Variants in IFNGR2 observed in about 807,000 individuals in gnomAD.
IFNGR2 encodes the protein IFN-gamma receptor 2.
IFNGR2 carries 15 observed loss-of-function variants against 41.1 expected under a neutral mutation model. The observed-to-expected ratio is 0.37, with a 90% CI of 0.24 to 0.56. The LOEUF is 0.56. Among genes scored for constraint, IFNGR2 ranks in the 20% least tolerant of loss-of-function variants. The pLI, the probability that IFNGR2 is intolerant of heterozygous loss-of-function variation, is 0.81. For synonymous variants in IFNGR2, 161 were observed against 171.6 expected, an observed-to-expected ratio of 0.94 and a Z score of 0.48; for missense variants, 362 against 415.7, an observed-to-expected ratio of 0.87 and a Z score of 1.12.
intron 3 of IFNGR2, among the ~76,000 whole-genome samples, chr21:33,425,857 C>T (rs980625976): frequency 2.0e-5 from 3 of 152,152 alleles, no homozygotes; most frequent in African/African-American, 7.2e-5. Flanking sequence ...GGAGAGAATC[C>T]AGCCCTGCTG....
chr21:33,406,939 C>T (rs2083681686), intron 1 of IFNGR2, among the ~76,000 whole-genome samples: 1 of 152,024 alleles, frequency 6.6e-6, no homozygotes, highest in Non-Finnish European at 1.5e-5. Flanking sequence ...GTGAACCACC[C>T]AGCCTGGCTC....
intron 4 of IFNGR2, 118 bp downstream of exon 4, chr21:33,427,150 A>G (rs1211761415): frequency 5.6e-6 from 5 of 893,766 alleles, no homozygotes; most frequent in East Asian, 2.4e-5. Context: ...CCGTGTCCCC[A>G]TAGAGGCTGA....
intron 6 of IFNGR2, among the ~76,000 whole-genome samples, chr21:33,436,565 A>C (rs1209998356): frequency 1.3e-5 from 2 of 151,994 alleles, no homozygotes; most frequent in Non-Finnish European, 2.9e-5. Context: ...TCTACTAAAA[A>C]TACAAAATTA....
In IFNGR2 at chr21:33,436,916, T is replaced by C. The variant is rs1377054541; in HGVS notation, c.968T>C (p.Ile323Thr). 2.5e-6 allele frequency: 4 copies of C among 1,613,918 alleles called. No homozygotes were observed. Among genetic ancestry groups the C allele is most frequent in the East Asian group, 2.2e-5 (1 of 44,888 alleles). The change falls in exon 7 of 7, where the codon ATC (isoleucine) becomes ACC (threonine). Residue 323 changes from isoleucine (I) to threonine (T), a missense_variant. By Grantham distance (89) the Ile-to-Thr change is moderately conservative. Transcript: ENST00000290219. ...KDDVWDSVSI[I>T]SFPEKEQEDV... ...GACGTCTGGGACTCTGTGTCCATTATCTCGTTTCCGGAAAAGGAGCAAGAA... is the reference window on the plus strand; with the variant it reads ...GACGTCTGGGACTCTGTGTCCATTACCTCGTTTCCGGAAAAGGAGCAAGAA...
chr21:33,412,209 T>A (rs892296030), intron 1 of IFNGR2, among the ~76,000 whole-genome samples: 5 of 152,134 alleles, frequency 3.3e-5, no homozygotes, highest in Non-Finnish European at 7.4e-5. Flanking sequence ...AAGCAGACAC[T>A]CACCCTGTTC....
chr21:33,436,758 A>C, intron 6 of IFNGR2, 70 bp from the exon 7 acceptor site: 1 of 1,256,066 alleles, frequency 8.0e-7, no homozygotes, highest in East Asian at 2.4e-5. Context: ...AAAAACAAAA[A>C]CTAAAGTTAA....
At chr21:33,411,080 C>T (rs2083712356) in intron 1 of IFNGR2, among the ~76,000 whole-genome samples, 1 of 152,246 alleles carries the variant, frequency 6.6e-6, no homozygotes, top group African/African-American at 2.4e-5. Flanking sequence ...GATGTGCAAT[C>T]CTTGGCACTT....
intron 4 of IFNGR2, among the ~76,000 whole-genome samples, chr21:33,427,844 C>CTTTTTT (rs71194844): frequency 8.8e-5 from 11 of 125,476 alleles, no homozygotes; most frequent in South Asian, 2.4e-4. Flanking sequence ...CTCATTTCAT[C>CTTTTTT]TTTTTTTTTT....
intron 1 of IFNGR2, among the ~76,000 whole-genome samples, chr21:33,412,080 C>T (rs1329791349): frequency 6.6e-6 from 1 of 151,940 alleles, no homozygotes. Flanking sequence ...CGCACCACCA[C>T]GCCCAGCTAA....
intron 3 of IFNGR2, among the ~76,000 whole-genome samples, chr21:33,424,151 G>A (rs1427968623): frequency 2.0e-5 from 3 of 152,034 alleles, no homozygotes; most frequent in Admixed American, 2.0e-4. Context: ...AAATACAAAA[G>A]TTAGCCGGGT....
At chr21:33,431,116 T>G (rs2083882464) in intron 4 of IFNGR2, among the ~76,000 whole-genome samples, 1 of 152,166 alleles carries the variant, frequency 6.6e-6, no homozygotes, top group Admixed American at 6.5e-5. Context: ...TCCAGTTGTC[T>G]CCTGATGACA....
chr21:33,424,348 G>A (rs779920486), intron 3 of IFNGR2, among the ~76,000 whole-genome samples: 1 of 152,100 alleles, frequency 6.6e-6, no homozygotes, highest in Non-Finnish European at 1.5e-5. Context: ...CAGGGATCAA[G>A]AGAAGGTAAC....
At chr21:33,412,944 G>C (rs1030012953) in intron 1 of IFNGR2, among the ~76,000 whole-genome samples, 3 of 152,210 alleles carry the variant, frequency 2.0e-5, no homozygotes, top group African/African-American at 7.2e-5. Context: ...AGCTGCCTCT[G>C]TTATCTTGAC....
rs985101045 is a variant in IFNGR2, at chr21:33,403,648, G to A, written c.73+32G>A. The A allele has an allele frequency of 5.4e-6, 7 of 1,289,368 alleles. No homozygotes were observed. The Admixed American group carries it at 2.5e-4, about 47-fold the overall frequency. 79.9% of individuals were successfully genotyped at this position (1,289,368 alleles called of 1,614,324 possible). A position where few individuals can be genotyped will look rare whatever the true frequency, so the allele number is the denominator to read the frequency against. On this transcript the variant is annotated intron_variant, in intron 1 of 6. Coordinates refer to ENST00000290219, the MANE Select transcript of IFNGR2 (RefSeq NM_005534.4). ...CGGGCCTGGGCCTCCGCGGCGGGAC[G>A]CGGGCGCAGCCGCAGCATGTGGGGG... is the stretch of plus-strand genomic sequence containing the variant.
At position 33,410,488 on chromosome 21, in the gene IFNGR2, GA is replaced by G. The variant is rs536248516; in HGVS notation, c.74-4399del. Among the ~76,000 whole-genome samples the G allele has an allele frequency of 1.7e-4, 25 of 144,382 alleles. No homozygotes were observed. In the East Asian group the frequency reaches 4.5e-3, roughly 26 times the overall value. The allele number at this position is 144,382 out of a possible 152,430, so 94.7% of individuals were successfully genotyped here. A position where few individuals can be genotyped will look rare whatever the true frequency, so the allele number is the denominator to read the frequency against. Reference sequence around the variant, plus strand: ...CCTACAACAATTTTTTTTTTTTTGAGACAGAGTCTCGCTCTTGTCGCCCAAG... The same window carrying G: ...CCTACAACAATTTTTTTTTTTTTGAGCAGAGTCTCGCTCTTGTCGCCCAAG... On this transcript the variant is annotated intron_variant, in intron 1 of 6. Transcript: ENST00000290219.
intron 1 of IFNGR2, among the ~76,000 whole-genome samples, chr21:33,410,134 G>A (rs914282143): frequency 6.6e-6 from 1 of 151,576 alleles, no homozygotes; most frequent in Non-Finnish European, 1.5e-5. Context: ...GAGGCAAGAA[G>A]GTTCAGCAAG....
chr21:33,408,194 A>G (rs1239113149), intron 1 of IFNGR2, among the ~76,000 whole-genome samples: 1 of 151,918 alleles, frequency 6.6e-6, no homozygotes, highest in East Asian at 1.9e-4. Context: ...ATATCCTCCT[A>G]TTCTTTTTGT....
chr21:33,416,986 T>C (rs1447654625), intron 2 of IFNGR2, among the ~76,000 whole-genome samples: 2 of 149,882 alleles, frequency 1.3e-5, no homozygotes, highest in African/African-American at 4.9e-5. Flanking sequence ...AGTGGCACGA[T>C]CTTGGCTCAC....
At chr21:33,413,687 C>T (rs766810185) in intron 1 of IFNGR2, among the ~76,000 whole-genome samples, 22 of 151,960 alleles carry the variant, frequency 1.4e-4, no homozygotes, top group Non-Finnish European at 2.2e-4. Context: ...TCTAGGTCCC[C>T]GAAGGCTCCC....
Sources: allele counts gnomAD v4.1 joint callset (sites outside exome capture counted in the v4.1 genomes callset), GRCh38; gene constraint gnomAD v4.1.1; transcripts MANE v1.5; gene names NCBI Gene and HGNC (gene_info 2026-07-23, HGNC 2026-07-21).